The following COL6A3 variants were observed in gnomAD, a reference collection of about 807,000 sequenced individuals.
COL6A3 encodes collagen alpha-3(VI) chain.
Under a neutral mutation model 274.1 loss-of-function variants are expected in COL6A3, and 137 were observed. The ratio of observed to expected loss-of-function variants is 0.50; its 90% CI spans 0.44 to 0.58. COL6A3 has a LOEUF of 0.58. Ranked by LOEUF, COL6A3 falls within the 20% of genes least tolerant of loss-of-function variation. The pLI, the probability that COL6A3 is intolerant of heterozygous loss-of-function variation, is 0.00. For missense variants in COL6A3, 3,950 were observed against 4,124.9 expected, an observed-to-expected ratio of 0.96 and a Z score of 1.16; for synonymous variants, 1,650 against 1,650.6, an observed-to-expected ratio of 1.00 and a Z score of 0.01.
At chr2:237,363,200 A>T in intron 14 of COL6A3, 53 bp downstream of exon 14, 1 of 1,583,250 alleles carries the variant, frequency 6.3e-7, no homozygotes. Flanking sequence ...TTGAAATGCC[A>T]AAAGGTGTGG....
intron 42 of COL6A3, 186 bp downstream of exon 42, chr2:237,333,264 G>A (rs1700357339): frequency 1.5e-6 from 1 of 654,030 alleles, no homozygotes; most frequent in Non-Finnish European, 2.7e-6. Flanking sequence ...CACAGGTAAA[G>A]TAAGACTCCA....
At chr2:237,389,172 A>G (rs1336824787) in intron 3 of COL6A3, among the ~76,000 whole-genome samples, 2 of 152,136 alleles carry the variant, frequency 1.3e-5, no homozygotes, top group African/African-American at 2.4e-5. Context: ...AGAATTCCCA[A>G]CCTGATGCTG....
At chr2:237,412,806 T>C (rs924944113) in intron 1 of COL6A3, among the ~76,000 whole-genome samples, 15 of 152,222 alleles carry the variant, frequency 9.9e-5, no homozygotes, top group Admixed American at 8.5e-4. Flanking sequence ...CCTGTGGTCC[T>C]CGCCGGGGTG....
intron 8 of COL6A3, among the ~76,000 whole-genome samples, chr2:237,373,195 A>G (rs1335436447): frequency 6.6e-6 from 1 of 152,152 alleles, no homozygotes; most frequent in Admixed American, 6.5e-5. Flanking sequence ...CGTTGTGGAA[A>G]TGTACGTTCC....
At chr2:237,335,127 T>C (rs1321489666) in intron 40 of COL6A3, among the ~76,000 whole-genome samples, 1 of 152,210 alleles carries the variant, frequency 6.6e-6, no homozygotes, top group East Asian at 1.9e-4. Context: ...TCAACTTTTT[T>C]TTCTATTAAA....
In COL6A3 at chr2:237,344,874, A is replaced by G; in HGVS notation, c.7175-31T>C. 6 of 1,613,954 alleles carry G rather than the reference A, an allele frequency of 3.7e-6. No homozygotes were observed. Among genetic ancestry groups the G allele is most frequent in the Non-Finnish European group, 5.1e-6 (6 of 1,180,042 alleles). ...GAAAGTAGAGGGTGGAGGGTTAAAG[A>G]CAAACTGTACTTACTACAAAAGGGA... is the stretch of plus-strand genomic sequence containing the variant. On this transcript the variant is annotated intron_variant, in intron 35 of 43. Transcript: ENST00000295550. The surrounding 1 kb of genome is among the most constrained non-coding windows in gnomAD (Gnocchi z 4.8).
rs943878166 is a variant in COL6A3, at chr2:237,407,787, G to A, written c.-31+6166C>T. Among the ~76,000 whole-genome samples, 3 of 152,212 alleles carry A rather than the reference G, an allele frequency of 2.0e-5. No homozygotes were observed. Among genetic ancestry groups the A allele is most frequent in the Non-Finnish European group, 4.4e-5 (3 of 68,034 alleles). On this transcript the variant is annotated intron_variant, in intron 1 of 43. Transcript: ENST00000295550. The surrounding 1 kb of genome is among the most constrained non-coding windows in gnomAD (Gnocchi z 4.3). The stretch of plus-strand genomic sequence containing the variant: ...CACATTCTGAAATATACGGCAGCCA[G>A]ACAAGATTTTGTCTGCACTTATACT...
At position 237,351,204 on chromosome 2, in the gene COL6A3, G is replaced by A. The variant is rs2077199421; in HGVS notation, c.6754-12C>T. On this transcript the variant is annotated splice_polypyrimidine_tract_variant and intron_variant, in intron 26 of 43. Coordinates refer to ENST00000295550, the MANE Select transcript of COL6A3 (RefSeq NM_004369.4). ...GCACCTCCGCTTCCCTGGAGCAGGA[G>A]GGGAGGAATGTGTCAGTGAAGTGGC... is the stretch of plus-strand genomic sequence containing the variant. 4.3e-6 allele frequency: 7 copies of A among 1,614,054 alleles called. No homozygotes were observed. Among genetic ancestry groups the A allele is most frequent in the Non-Finnish European group, 1.7e-6 (2 of 1,179,886 alleles).
chr2:237,374,758 G>A lies in COL6A3; in HGVS notation c.3333C>T (p.Ala1111=). The change falls in exon 8 of 44, where the codon GCC becomes GCT. Residue 1111 remains alanine (A), a synonymous_variant. Coordinates refer to ENST00000295550, the MANE Select transcript of COL6A3 (RefSeq NM_004369.4). The surrounding 1 kb of genome is among the most constrained non-coding windows in gnomAD (Gnocchi z 4.8). The part of the protein sequence containing the change: ...LGGPTPNTGA[A]LEFVLRNILV... ...GGATGTTCCTCAGGACAAACTCCAG[G>A]GCGGCCCCGGTGTTGGGGGTCGGCC... is the stretch of plus-strand genomic sequence containing the variant. 1 of 1,613,902 alleles carries A rather than the reference G, an allele frequency of 6.2e-7. No individual in the cohort carries two copies. The highest frequency in any genetic ancestry group is 8.5e-7 in the Non-Finnish European group (1 of 1,179,918).
At chr2:237,383,362 A>G (rs1271086513) in intron 4 of COL6A3, among the ~76,000 whole-genome samples, 4 of 152,178 alleles carry the variant, frequency 2.6e-5, no homozygotes, top group African/African-American at 9.7e-5. Context: ...TCAATATTTC[A>G]TGGTCATTGT....
chr2:237,369,159 G>A lies in COL6A3; in HGVS notation c.4304C>T (p.Ala1435Val). The change falls in exon 10 of 44, where the codon GCA becomes GTA. Residue 1435 changes from alanine (A) to valine (V), a missense_variant. By Grantham distance (64) the Ala-to-Val change is moderately conservative (BLOSUM62 0). Transcript: ENST00000295550. ...GCTGTCGATCAGAAAGACAATGTCT[G>A]CAGCATCACTCTCAACTGCTGCAGA... Reference protein sequence around the residue: ...YPPPAVESDAADIVFLIDSSE... With the variant: ...YPPPAVESDAVDIVFLIDSSE... 6.2e-7 allele frequency: 1 copy of A among 1,612,106 alleles called. No homozygotes were observed. Among genetic ancestry groups the A allele is most frequent in the Non-Finnish European group, 8.5e-7 (1 of 1,180,030 alleles).
Position 237,365,731 on chromosome 2 carries a change from G to T in COL6A3, c.5805C>A (p.Asn1935Lys), listed in dbSNP as rs2077535047. The T allele has an allele frequency of 1.2e-6, 2 of 1,614,072 alleles. No homozygotes were observed. Among genetic ancestry groups the T allele is most frequent in the African/African-American group, 1.3e-5 (1 of 74,938 alleles). The stretch of plus-strand genomic sequence containing the variant: ...TGTCCGGCGAGGACTGTCTGAACTT[G>T]TTCAGGTAGACCTTCAGGGTGTCCT... ...LTEDTLKVYLNKFRQSSPDSV... is the reference protein window; with the variant it reads ...LTEDTLKVYLKKFRQSSPDSV... The change falls in exon 12 of 44, where the codon AAC becomes AAA. Residue 1935 changes from asparagine (N) to lysine (K), a missense_variant. By Grantham distance (94) the Asn-to-Lys change is moderately conservative (BLOSUM62 0). This residue lies in a region of COL6A3 where 632 missense variants were observed against 623.4 expected (regional missense o/e 1.01). Transcript: ENST00000295550.
intron 1 of COL6A3, among the ~76,000 whole-genome samples, chr2:237,397,154 AGAAGG>A (rs1205101530): frequency 7.6e-6 from 1 of 131,020 alleles, no homozygotes; most frequent in Non-Finnish European, 1.6e-5. Context: ...GGAAGGGAAG[AGAAGG>A]GAAGGGAAGG....
intron 32 of COL6A3, 60 bp from the exon 33 acceptor site, chr2:237,345,273 G>A (rs1436927981): frequency 7.1e-6 from 11 of 1,556,320 alleles, no homozygotes; most frequent in East Asian, 2.2e-5. Flanking sequence ...GAATAAACAG[G>A]CTTTGGCCCC....
At chr2:237,349,942 G>A (rs374316493) in intron 28 of COL6A3, among the ~76,000 whole-genome samples, 3 of 152,146 alleles carry the variant, frequency 2.0e-5, no homozygotes, top group African/African-American at 7.2e-5. Flanking sequence ...CTCTCCCCAC[G>A]GCCCGCCCCA....
chr2:237,333,279 C>A, intron 42 of COL6A3, 171 bp downstream of exon 42: 2 of 684,424 alleles, frequency 2.9e-6, no homozygotes, highest in South Asian at 1.6e-5. Context: ...ACTCCATTTA[C>A]ACCTGGGATT....
intron 2 of COL6A3, 85 bp from the exon 3 acceptor site, chr2:237,395,289 G>T (rs1378371442): frequency 4.2e-6 from 6 of 1,430,872 alleles, no homozygotes; most frequent in Non-Finnish European, 5.8e-6. Flanking sequence ...AACAAATTTG[G>T]TTTACACTAT....
chr2:237,360,651 C>T (rs577587964), intron 16 of COL6A3, among the ~76,000 whole-genome samples: 1 of 152,268 alleles, frequency 6.6e-6, no homozygotes, highest in African/African-American at 2.4e-5. Flanking sequence ...GGGCATTGCT[C>T]CCATGGACCC....
intron 1 of COL6A3, among the ~76,000 whole-genome samples, chr2:237,397,050 G>GATAGATAGATAGATAGATAT (rs1189389554): frequency 6.7e-6 from 1 of 149,992 alleles, no homozygotes; most frequent in African/African-American, 2.5e-5. Flanking sequence ...TAGATAGATA[G>GATAGATAGATAGATAGATAT]ATAGATAAAA....
Sources: allele counts gnomAD v4.1 joint callset (sites outside exome capture counted in the v4.1 genomes callset), GRCh38; gene constraint gnomAD v4.1.1; regional missense constraint gnomAD v4.1.1; non-coding constraint Gnocchi (gnomAD v3.1); transcripts MANE v1.5; gene names NCBI Gene and HGNC (gene_info 2026-07-23, HGNC 2026-07-21).